ROBO2: variants seen among roughly 807,000 people sequenced by gnomAD.
ROBO2 encodes roundabout guidance receptor 2.
ROBO2 carries 53 observed loss-of-function variants against 160.8 expected under a neutral mutation model. That is an observed-to-expected ratio of 0.33 (90% confidence interval 0.26 to 0.41). ROBO2 has a LOEUF of 0.41. ROBO2 is among the 10% of genes least tolerant of loss of function. The pLI, the probability that ROBO2 is intolerant of heterozygous loss-of-function variation, is 1.00. For synonymous variants in ROBO2, 664 were observed against 611.7 expected, an observed-to-expected ratio of 1.09 and a Z score of -1.26; for missense variants, 1,577 against 1,722.4, an observed-to-expected ratio of 0.92 and a Z score of 1.49.
chr3:77,497,082 A>G, intron 5 of ROBO2, among the ~76,000 whole-genome samples: 1 of 152,220 alleles, frequency 6.6e-6, no homozygotes, highest in Non-Finnish European at 1.5e-5. Flanking sequence ...ATTTATGTGG[A>G]CATTTTCCAT....
At chr3:76,627,896 A>T (rs1193871067) in intron 2 of ROBO2, among the ~76,000 whole-genome samples, 1 of 152,144 alleles carries the variant, frequency 6.6e-6, no homozygotes, top group African/African-American at 2.4e-5. Flanking sequence ...TTTCCTATGT[A>T]TGTGAATTTT....
chr3:77,332,369 A>G (rs2066059230), intron 2 of ROBO2, among the ~76,000 whole-genome samples: 1 of 152,166 alleles, frequency 6.6e-6, no homozygotes, highest in South Asian at 2.1e-4. Flanking sequence ...TGTCTTCATG[A>G]TCGGGTCTGG....
chr3:77,065,020 A>T (rs983916445), intron 1 of ROBO2, among the ~76,000 whole-genome samples: 1 of 152,200 alleles, frequency 6.6e-6, no homozygotes, highest in African/African-American at 2.4e-5. Context: ...TGCTCACAAC[A>T]TATTTTTATT....
At chr3:76,167,533 G>A (rs560883381) in intron 2 of ROBO2, among the ~76,000 whole-genome samples, 7 of 152,052 alleles carry the variant, frequency 4.6e-5, no homozygotes, top group South Asian at 4.1e-4. Context: ...TATCATGCAC[G>A]TCATGCATGC....
At chr3:76,248,728 A>G (rs1467792574) in intron 2 of ROBO2, among the ~76,000 whole-genome samples, 1 of 151,584 alleles carries the variant, frequency 6.6e-6, no homozygotes, top group African/African-American at 2.4e-5. Flanking sequence ...TTCCACTCCT[A>G]TTTTGTTTTG....
intron 2 of ROBO2, among the ~76,000 whole-genome samples, chr3:77,412,484 C>T (rs1035386769): frequency 6.6e-6 from 1 of 152,218 alleles, no homozygotes; most frequent in Non-Finnish European, 1.5e-5. Context: ...ACTGAAGGCA[C>T]TGTATAAAAG....
chr3:77,380,351 A>T (rs774586091), intron 2 of ROBO2, among the ~76,000 whole-genome samples: 9 of 152,194 alleles, frequency 5.9e-5, no homozygotes, highest in Non-Finnish European at 1.2e-4. Context: ...TACTGAGTTC[A>T]TGGAACACAA....
intron 2 of ROBO2, among the ~76,000 whole-genome samples, chr3:76,817,891 C>A (rs1258641266): frequency 7.4e-6 from 1 of 135,262 alleles, no homozygotes; most frequent in African/African-American, 2.8e-5. Context: ...ATTTCTTTAT[C>A]CACTTGTTAA....
chr3:76,236,168 TTTAA>T (rs1326890211), intron 2 of ROBO2, among the ~76,000 whole-genome samples: 5 of 152,106 alleles, frequency 3.3e-5, no homozygotes, highest in Non-Finnish European at 7.4e-5. Context: ...TTTGCCTATA[TTTAA>T]TTTTCTATTT....
chr3:76,349,976 G>T lies in ROBO2; in HGVS notation c.109+412374G>T, dbSNP rs147176065. Among the ~76,000 whole-genome samples the T allele has an allele frequency of 1.1e-3, 161 of 152,058 alleles. No homozygotes were observed. The East Asian group carries it at 0.022, about 21-fold the overall frequency. ...GAGCAAACCTGCCCTTTGCTCCAGA[G>T]GGAGAGACTATTTCTGTTTTCCAAG... On this transcript the variant is annotated intron_variant, in intron 2 of 26. Transcript: ENST00000487694.
intron 2 of ROBO2, among the ~76,000 whole-genome samples, chr3:77,305,902 G>T (rs2063057850): frequency 6.6e-6 from 1 of 152,128 alleles, no homozygotes; most frequent in Non-Finnish European, 1.5e-5. Flanking sequence ...ATGTATGTCT[G>T]TCTGTGCCCT....
intron 2 of ROBO2, among the ~76,000 whole-genome samples, chr3:77,158,787 C>T (rs138574306): frequency 6.6e-6 from 1 of 152,162 alleles, no homozygotes; most frequent in East Asian, 1.9e-4. Flanking sequence ...ACTTCTGATA[C>T]TGCATGCATG....
chr3:76,490,489 A>G (rs187866986), intron 2 of ROBO2, among the ~76,000 whole-genome samples: 1 of 152,214 alleles, frequency 6.6e-6, no homozygotes, highest in Non-Finnish European at 1.5e-5. Context: ...TATTTGACAC[A>G]AAGAAAAAGA....
At chr3:76,504,640 T>TCA (rs2080690826) in intron 2 of ROBO2, among the ~76,000 whole-genome samples, 1 of 145,668 alleles carries the variant, frequency 6.9e-6, no homozygotes, top group South Asian at 2.3e-4. Flanking sequence ...GCCATTCTCC[T>TCA]GCCTCAGCCT....
At chr3:76,656,196 T>A (rs1839052) in intron 2 of ROBO2, among the ~76,000 whole-genome samples, 2 of 151,682 alleles carry the variant, frequency 1.3e-5, no homozygotes, top group African/African-American at 4.8e-5. Flanking sequence ...TGTGACCTCA[T>A]TGACAAATGA....
chr3:77,602,122 T>C, intron 19 of ROBO2, 88 bp from the exon 21 acceptor site: 1 of 1,338,598 alleles, frequency 7.5e-7, no homozygotes. Flanking sequence ...ACGTGCAGTG[T>C]GACACACTTA....
At chr3:76,805,832 C>A (rs990341428) in intron 2 of ROBO2, among the ~76,000 whole-genome samples, 1 of 151,906 alleles carries the variant, frequency 6.6e-6, no homozygotes, top group Non-Finnish European at 1.5e-5. Context: ...CCATTGGTGT[C>A]TTAAATTAAA....
intron 2 of ROBO2, among the ~76,000 whole-genome samples, chr3:76,356,577 G>A (rs529862884): frequency 6.6e-6 from 1 of 151,456 alleles, no homozygotes; most frequent in African/African-American, 2.4e-5. Flanking sequence ...TAAGGGTCAG[G>A]TTACCAAAAA....
At chr3:76,297,162 T>C (rs894643146) in intron 2 of ROBO2, among the ~76,000 whole-genome samples, 3 of 152,206 alleles carry the variant, frequency 2.0e-5, no homozygotes, top group South Asian at 2.1e-4. Context: ...CAAGAATCCA[T>C]GTTTTCTAAT....
Sources: allele counts gnomAD v4.1 joint callset (sites outside exome capture counted in the v4.1 genomes callset), GRCh38; gene constraint gnomAD v4.1.1; transcripts MANE v1.5; gene names NCBI Gene and HGNC (gene_info 2026-07-23, HGNC 2026-07-21).